Variants in PDE10A observed in about 807,000 individuals in gnomAD.
PDE10A encodes cAMP and cAMP-inhibited cGMP 3',5'-cyclic phosphodiesterase 10A.
In PDE10A, 39 loss-of-function variants were observed where a neutral mutation model predicts 97.7. That is an observed-to-expected ratio of 0.40 (90% CI 0.31 to 0.52). The LOEUF is 0.52. Among genes scored for constraint, PDE10A ranks in the 20% least tolerant of loss-of-function variants. The pLI, the probability that PDE10A is intolerant of heterozygous loss-of-function variation, is 0.56. For missense variants in PDE10A, 731 were observed against 1,047.8 expected, an observed-to-expected ratio of 0.70 and a Z score of 4.17; for synonymous variants, 371 against 376.8, an observed-to-expected ratio of 0.98 and a Z score of 0.18.
intron 13 of PDE10A, among the ~76,000 whole-genome samples, chr6:165,410,402 GGGACAAGTT>G (rs936599935): frequency 7.2e-5 from 11 of 152,134 alleles, no homozygotes; most frequent in Non-Finnish European, 1.2e-4. Flanking sequence ...AAAAATAAGA[GGGACAAGTT>G]GGAATAAGAT....
chr6:165,597,155 G>A (rs1337013684), intron 1 of PDE10A, among the ~76,000 whole-genome samples: 3 of 151,968 alleles, frequency 2.0e-5, no homozygotes, highest in Non-Finnish European at 4.4e-5. Context: ...TATCCTGGAG[G>A]AAAGTGATTT....
At chr6:165,635,669 T>C (rs1788841258) in intron 1 of PDE10A, among the ~76,000 whole-genome samples, 1 of 152,224 alleles carries the variant, frequency 6.6e-6, no homozygotes, top group Admixed American at 6.5e-5. Flanking sequence ...TTCAAATAAG[T>C]ACTTAAGACA....
At chr6:165,852,259 A>G (rs1042756903) in intron 1 of PDE10A, among the ~76,000 whole-genome samples, 9 of 152,220 alleles carry the variant, frequency 5.9e-5, no homozygotes, top group African/African-American at 2.2e-4. Flanking sequence ...GATGTAGAAG[A>G]CAGTGGCAAG....
At chr6:165,831,805 A>G (rs1390114508) in intron 1 of PDE10A, among the ~76,000 whole-genome samples, 1 of 152,020 alleles carries the variant, frequency 6.6e-6, no homozygotes, top group Non-Finnish European at 1.5e-5. Flanking sequence ...TTTCCTTAGT[A>G]AAAGACTCCA....
At chr6:165,689,662 C>T (rs929595445) in intron 1 of PDE10A, among the ~76,000 whole-genome samples, 1 of 152,200 alleles carries the variant, frequency 6.6e-6, no homozygotes, top group African/African-American at 2.4e-5. Flanking sequence ...TCCTCTTCCG[C>T]CGTGAGCGGA....
chr6:165,457,162 T>TATGGC (rs1562484623), intron 3 of PDE10A, among the ~76,000 whole-genome samples: 1 of 152,200 alleles, frequency 6.6e-6, no homozygotes, highest in Non-Finnish European at 1.5e-5. Context: ...ACATGAATTC[T>TATGGC]ATGGCTTGAC....
intron 2 of PDE10A, among the ~76,000 whole-genome samples, chr6:165,518,360 T>C (rs1781938036): frequency 1.3e-5 from 2 of 152,150 alleles, no homozygotes; most frequent in African/African-American, 4.8e-5. Context: ...CAGAAATAAA[T>C]AATTCATAAT....
At chr6:165,891,270 G>A (rs1781786114) in intron 1 of PDE10A, among the ~76,000 whole-genome samples, 2 of 152,170 alleles carry the variant, frequency 1.3e-5, no homozygotes, top group East Asian at 1.9e-4. Context: ...GCTGGCTCAT[G>A]TAATGGTTAA....
At chr6:165,801,799 T>C (rs1485268665) in intron 1 of PDE10A, among the ~76,000 whole-genome samples, 1 of 152,196 alleles carries the variant, frequency 6.6e-6, no homozygotes, top group Admixed American at 6.5e-5. Context: ...AATGAAAGCC[T>C]ATCAGGATTG....
At chr6:165,452,494 C>T (rs1479732826) in intron 3 of PDE10A, among the ~76,000 whole-genome samples, 1 of 152,120 alleles carries the variant, frequency 6.6e-6, no homozygotes, top group South Asian at 2.1e-4. Flanking sequence ...TTAGTTATCA[C>T]GGGAGTGGGG....
At chr6:165,704,578 C>A (rs1416920747) in intron 1 of PDE10A, among the ~76,000 whole-genome samples, 2 of 152,136 alleles carry the variant, frequency 1.3e-5, no homozygotes, top group African/African-American at 4.8e-5. Context: ...TCTCATCACA[C>A]TTGCAAATAC....
At chr6:165,699,148 A>G (rs930372866) in intron 1 of PDE10A, among the ~76,000 whole-genome samples, 3 of 152,346 alleles carry the variant, frequency 2.0e-5, no homozygotes, top group Admixed American at 2.0e-4. Context: ...AGGATGAAAA[A>G]GATATATCAT....
chr6:165,713,982 G>A (rs1791965773), intron 1 of PDE10A, among the ~76,000 whole-genome samples: 1 of 152,186 alleles, frequency 6.6e-6, no homozygotes, highest in South Asian at 2.1e-4. Context: ...GCCTTACTGA[G>A]GTGTGGTTGA....
chr6:165,711,273 C>T lies in PDE10A; in HGVS notation c.-614-167705G>A, dbSNP rs1006761436. Among the ~76,000 whole-genome samples, 1 of 152,198 alleles carries T rather than the reference C, an allele frequency of 6.6e-6. No individual in the cohort carries two copies. Among genetic ancestry groups the T allele is most frequent in the African/African-American group, 2.4e-5 (1 of 41,448 alleles). On this transcript the variant is annotated intron_variant, in intron 1 of 19. Coordinates refer to the PDE10A transcript ENST00000366882. The surrounding 1 kb of genome is among the most constrained non-coding windows in gnomAD (Gnocchi z 4.5). Reference sequence around the variant, plus strand: ...GATGGGTAATTTACAGAGGTAAGTGCCTGGGGCTCCCATTGGCCCTTCAAG... The same window carrying T: ...GATGGGTAATTTACAGAGGTAAGTGTCTGGGGCTCCCATTGGCCCTTCAAG...
At chr6:165,956,089 G>A (rs1239175808) in intron 1 of PDE10A, among the ~76,000 whole-genome samples, 1 of 152,146 alleles carries the variant, frequency 6.6e-6, no homozygotes, top group Non-Finnish European at 1.5e-5. Flanking sequence ...TAAAATGTCT[G>A]ATACTATTAG....
chr6:165,582,067 C>T (rs1319805367), intron 1 of PDE10A, among the ~76,000 whole-genome samples: 2 of 152,222 alleles, frequency 1.3e-5, no homozygotes, highest in Non-Finnish European at 2.9e-5. Context: ...CCCGCTTTTA[C>T]TTAAGCAGGT....
rs1175635488 is a variant in PDE10A at position 165,774,912 on chromosome 6, C to T, written c.-615+212617G>A. ...CCAAGAGCTCACCAGCATGAAAGCA[C>T]TAGCTCTGAATATGATATGGAGGAA... On this transcript the variant is annotated intron_variant, in intron 1 of 19. Transcript: ENST00000366882. 30 of 146,358 alleles carry T rather than the reference C, an allele frequency of 2.0e-4. No homozygotes were observed. In the Admixed American group the frequency reaches 2.1e-3, roughly 10 times the overall value. 9.1% of individuals were successfully genotyped at this position (146,358 alleles called of 1,614,324 possible). A position where few individuals can be genotyped will look rare whatever the true frequency, so the allele number is the denominator to read the frequency against.
intron 1 of PDE10A, among the ~76,000 whole-genome samples, chr6:165,744,774 A>C (rs1011332083): frequency 1.3e-5 from 2 of 152,008 alleles, no homozygotes; most frequent in Non-Finnish European, 2.9e-5. Context: ...CTCCTTTAAA[A>C]CATTTTATTT....
At chr6:165,780,173 T>C (rs2128461483) in intron 1 of PDE10A, 1 of 152,346 alleles carries the variant, frequency 6.6e-6, no homozygotes, top group East Asian at 1.9e-4. Flanking sequence ...ATAAAAATAC[T>C]AATGTCTAGT....
Sources: gnomAD v4.1 joint callset for allele counts (sites outside exome capture counted in the v4.1 genomes callset) on GRCh38, gnomAD v4.1.1 for gene constraint, Gnocchi (gnomAD v3.1) non-coding constraint, MANE v1.5 for transcripts, NCBI Gene and HGNC (gene_info 2026-07-23, HGNC 2026-07-21) for gene names.